LARGE1: variants seen among roughly 807,000 people sequenced by gnomAD.
LARGE1 encodes xylosyl- and glucuronyltransferase LARGE1.
LARGE1 carries 43 observed loss-of-function variants against 87.6 expected under a neutral mutation model. The observed-to-expected ratio is 0.49, with a 90% confidence interval of 0.38 to 0.63. The LOEUF (loss-of-function observed/expected upper bound fraction) is 0.63, where lower values mean the gene tolerates loss of function less well. Among genes scored for constraint, LARGE1 ranks in the 30% least tolerant of loss-of-function variants. The pLI, the probability that LARGE1 is intolerant of heterozygous loss-of-function variation, is 0.00. For synonymous variants in LARGE1, 434 were observed against 394.6 expected (o/e 1.10, Z -1.18); for missense variants, 802 against 1,000.2 (o/e 0.80, Z 2.67).
intron 7 of LARGE1, among the ~76,000 whole-genome samples, chr22:33,399,994 T>C (rs138216221): frequency 1.1e-4 from 16 of 152,338 alleles, no homozygotes; most frequent in Middle Eastern, 6.8e-3. Flanking sequence ...TTTTAGACAG[T>C]AAATGATAAG....
intron 11 of LARGE1, among the ~76,000 whole-genome samples, chr22:33,199,817 T>C (rs992469304): frequency 2.6e-5 from 4 of 151,874 alleles, no homozygotes; most frequent in African/African-American, 9.7e-5. Flanking sequence ...ATTCAGTCCA[T>C]AGTACGTGCC....
intron 6 of LARGE1, among the ~76,000 whole-genome samples, chr22:33,461,297 G>GAAAA (rs2068373375): frequency 1.3e-5 from 2 of 152,040 alleles, no homozygotes. Flanking sequence ...CTAAAAAACA[G>GAAAA]ACAAACAAAC....
intron 6 of LARGE1, among the ~76,000 whole-genome samples, chr22:33,460,819 A>C (rs888557481): frequency 3.9e-5 from 6 of 152,228 alleles, no homozygotes; most frequent in African/African-American, 1.4e-4. Flanking sequence ...CCAGTTCTAT[A>C]GGAAATTTGC....
intron 1 of LARGE1, among the ~76,000 whole-genome samples, chr22:33,898,485 G>A (rs546673483): frequency 1.3e-5 from 2 of 152,366 alleles, no homozygotes; most frequent in South Asian, 4.1e-4. Flanking sequence ...CGAGCACAGT[G>A]GCTCAACGTC....
intron 4 of LARGE1, among the ~76,000 whole-genome samples, chr22:33,619,482 G>A (rs2079676923): frequency 6.6e-6 from 1 of 150,810 alleles, no homozygotes; most frequent in African/African-American, 2.4e-5. Context: ...TTGAACTTGG[G>A]AGGCAGAGTT....
At chr22:33,533,430 G>A (rs368020038) in intron 6 of LARGE1, among the ~76,000 whole-genome samples, 9 of 152,050 alleles carry the variant, frequency 5.9e-5, no homozygotes, top group Admixed American at 3.3e-4. Context: ...CTCCCCATAC[G>A]GCCCCTTGGA....
chr22:33,684,003 T>C (rs5999058), intron 2 of LARGE1, among the ~76,000 whole-genome samples: 20,931 of 152,098 alleles, frequency 0.14, 2,485 homozygotes, highest in African/African-American at 0.33. Context: ...TGGAAGACTG[T>C]CCTTTGGCAT....
the LARGE1 span, among the ~76,000 whole-genome samples, chr22:33,069,267 G>A: frequency 2.2e-3 from 340 of 152,162 alleles, 3 homozygotes; most frequent in African/African-American, 7.9e-3. Context: ...AAAGATTCAG[G>A]CACTCACAGC....
At chr22:33,500,237 C>T (rs1210423141) in intron 6 of LARGE1, among the ~76,000 whole-genome samples, 1 of 152,080 alleles carries the variant, frequency 6.6e-6, no homozygotes, top group Admixed American at 6.6e-5. Flanking sequence ...CCTTTGAATC[C>T]CCCATGATTA....
At chr22:33,905,556 A>AT (rs1184657740) in intron 1 of LARGE1, among the ~76,000 whole-genome samples, 1 of 152,248 alleles carries the variant, frequency 6.6e-6, no homozygotes, top group Non-Finnish European at 1.5e-5. Context: ...GCCATCATTC[A>AT]TTTTAAAAAT....
intron 11 of LARGE1, among the ~76,000 whole-genome samples, chr22:33,202,436 G>C (rs1924447117): frequency 6.6e-6 from 1 of 152,166 alleles, no homozygotes; most frequent in African/African-American, 2.4e-5. Context: ...AGGCCAGCTT[G>C]GCCATCTTAA....
At chr22:33,471,316 T>TTACA (rs2068832493) in intron 6 of LARGE1, among the ~76,000 whole-genome samples, 1 of 152,052 alleles carries the variant, frequency 6.6e-6, no homozygotes, top group Admixed American at 6.6e-5. Flanking sequence ...AATGCCAGGA[T>TTACA]TACAGGCATG....
In LARGE1 at chr22:33,787,934, C is replaced by A. The variant is rs115741610; in HGVS notation, c.-82-26376G>T. ...ATCTTTAATGTATTTAAGTAAATAA[C>A]AAGGTCTTAAGAAGATGTGGCCAAA... is the stretch of plus-strand genomic sequence containing the variant. On this transcript the variant is annotated intron_variant, in intron 1 of 14. Coordinates refer to ENST00000397394, the MANE Select transcript of LARGE1 (RefSeq NM_133642.5). 2.2e-3 allele frequency among the ~76,000 whole-genome samples: 338 copies of A among 152,254 alleles called. 4 individuals are homozygous for A. Among genetic ancestry groups the A allele is most frequent in the African/African-American group, 7.3e-3 (304 of 41,546 alleles).
At chr22:33,679,491 C>T (rs982950236) in intron 2 of LARGE1, among the ~76,000 whole-genome samples, 6 of 151,856 alleles carry the variant, frequency 4.0e-5, no homozygotes, top group Non-Finnish European at 7.4e-5. Context: ...CACACACACA[C>T]GAAGAATGCC....
intron 1 of LARGE1, among the ~76,000 whole-genome samples, chr22:33,860,777 G>A (rs532940627): frequency 6.6e-6 from 1 of 152,180 alleles, no homozygotes; most frequent in Admixed American, 6.5e-5. Context: ...CCACTACCCT[G>A]ACCCTCCTGG....
chr22:33,188,103 T>G (rs1490744616), intron 11 of LARGE1, among the ~76,000 whole-genome samples: 1 of 151,906 alleles, frequency 6.6e-6, no homozygotes, highest in East Asian at 1.9e-4. Context: ...CATACTCAAC[T>G]TATATGCATC....
At chr22:33,111,626 T>C in the LARGE1 span, among the ~76,000 whole-genome samples, 1 of 152,180 alleles carries the variant, frequency 6.6e-6, no homozygotes, top group Non-Finnish European at 1.5e-5. Flanking sequence ...AAAAACGTCA[T>C]GGCAACAAAG....
At chr22:33,820,131 G>A (rs187593903) in intron 1 of LARGE1, among the ~76,000 whole-genome samples, 9 of 152,040 alleles carry the variant, frequency 5.9e-5, no homozygotes, top group Non-Finnish European at 1.3e-4. Flanking sequence ...TGAATTTGGG[G>A]GTCCATTCAG....
At position 33,821,996 on chromosome 22, in the gene LARGE1, A is replaced by G. The variant is rs573564690; in HGVS notation, c.-82-60438T>C. ...AAAGAGCTGTTTCTATTGCGGGTAT[A>G]TTTAGTTTTAACTAAGTGAAAAGAT... On this transcript the variant is annotated intron_variant, in intron 1 of 14. Coordinates refer to ENST00000397394, the MANE Select transcript of LARGE1 (RefSeq NM_133642.5). 3.0e-5 allele frequency among the ~76,000 whole-genome samples: 4 copies of G among 134,592 alleles called. No homozygotes were observed. The South Asian group carries it at 9.4e-4, about 32-fold the overall frequency. The allele number at this position is 134,592 out of a possible 152,430, so 88.3% of individuals were successfully genotyped here. A position where few individuals can be genotyped will look rare whatever the true frequency, so the allele number is the denominator to read the frequency against.
Sources: gnomAD v4.1 joint callset for allele counts (sites outside exome capture counted in the v4.1 genomes callset) on GRCh38, gnomAD v4.1.1 for gene constraint, MANE v1.5 for transcripts, NCBI Gene and HGNC (gene_info 2026-07-23, HGNC 2026-07-21) for gene names.